The following SNX30 variants were observed in gnomAD, a reference collection of about 807,000 sequenced individuals.
SNX30 encodes the protein sorting nexin family member 30.
SNX30 carries 24 observed loss-of-function variants against 46.4 expected under a neutral mutation model. The observed-to-expected ratio is 0.52, with a 90% confidence interval of 0.37 to 0.73. The LOEUF (loss-of-function observed/expected upper bound fraction) is 0.73. SNX30 is among the 30% of genes least tolerant of loss of function. SNX30 has a pLI of 0.00. For missense variants in SNX30, 533 were observed against 555.7 expected, an observed-to-expected ratio of 0.96 and a Z score of 0.41; for synonymous variants, 189 against 211.5, an observed-to-expected ratio of 0.89 and a Z score of 0.92.
At chr9:112,777,887 G>A (rs1021224266) in intron 1 of SNX30, among the ~76,000 whole-genome samples, 4 of 152,114 alleles carry the variant, frequency 2.6e-5, no homozygotes, top group Admixed American at 2.6e-4. Context: ...TTTTGGTTAT[G>A]TACTATTGCT....
intron 1 of SNX30, among the ~76,000 whole-genome samples, chr9:112,778,934 T>G (rs1588113322): frequency 2.3e-4 from 33 of 146,364 alleles, no homozygotes; most frequent in South Asian, 4.4e-4. Context: ...CAAGTACTGG[T>G]GGGTGGGGAA....
rs1160420265 is a variant in SNX30, at chr9:112,870,790, G to A, written c.*1947G>A. 3 of 152,272 alleles carry A rather than the reference G, an allele frequency of 2.0e-5. No homozygotes were observed. Among genetic ancestry groups the A allele is most frequent in the Admixed American group, 6.5e-5 (1 of 15,294 alleles). The allele number at this position is 152,272 out of a possible 1,614,324, so 9.4% of individuals were successfully genotyped here. On this transcript the variant is annotated 3_prime_UTR_variant, in exon 9 of 9. Coordinates refer to ENST00000374232, the MANE Select transcript of SNX30 (RefSeq NM_001012994.2). ...AGCCCTCTGCTGATATTTGGCAGAA[G>A]GCACCAGACCAGCCCAGCAGCAAAT...
chr9:112,824,321 C>A (rs1391587595), intron 3 of SNX30, among the ~76,000 whole-genome samples: 2 of 110,402 alleles, frequency 1.8e-5, no homozygotes, highest in Non-Finnish European at 4.0e-5. Flanking sequence ...TATTGTAATA[C>A]TTTGCAAATA....
chr9:112,822,650 C>T (rs1840521259), intron 3 of SNX30, among the ~76,000 whole-genome samples: 1 of 150,236 alleles, frequency 6.7e-6, no homozygotes, highest in Non-Finnish European at 1.5e-5. Flanking sequence ...CAACACCATA[C>T]AGTCATTCCC....
chr9:112,751,700 C>T (rs1215067730), intron 1 of SNX30, among the ~76,000 whole-genome samples: 2 of 152,104 alleles, frequency 1.3e-5, no homozygotes, highest in Non-Finnish European at 2.9e-5. Flanking sequence ...CAGACCCCAG[C>T]CGGCGGCGGG....
At chr9:112,755,595 A>G (rs1839336330) in intron 1 of SNX30, among the ~76,000 whole-genome samples, 1 of 151,854 alleles carries the variant, frequency 6.6e-6, no homozygotes, top group African/African-American at 2.4e-5. Context: ...AATTGAGACT[A>G]CCTTGAGCAT....
At chr9:112,878,169 C>G (rs1471085641), downstream of SNX30, 1 of 152,234 alleles carries the variant, frequency 6.6e-6, no homozygotes, top group Admixed American at 6.5e-5. Flanking sequence ...ACTCTGTGTT[C>G]CTGCTTAACA....
At chr9:112,758,719 CAGAA>C (rs1361993583) in intron 1 of SNX30, among the ~76,000 whole-genome samples, 1 of 152,098 alleles carries the variant, frequency 6.6e-6, no homozygotes, top group African/African-American at 2.4e-5. Context: ...TTTTAAAACA[CAGAA>C]AGAGTGGCTG....
chr9:112,768,714 T>C (rs1252034880), intron 1 of SNX30, among the ~76,000 whole-genome samples: 1 of 139,914 alleles, frequency 7.1e-6, no homozygotes, highest in Admixed American at 8.1e-5. Flanking sequence ...TAGAGTGCAA[T>C]GGTACGATCT....
At chr9:112,875,115 C>G (rs1432221552), downstream of SNX30, 3 of 152,132 alleles carry the variant, frequency 2.0e-5, no homozygotes, top group African/African-American at 7.2e-5. Flanking sequence ...TACAGAGCGA[C>G]AGGAAAAAAT....
chr9:112,769,114 G>T (rs1377805915), intron 1 of SNX30, among the ~76,000 whole-genome samples: 1 of 152,176 alleles, frequency 6.6e-6, no homozygotes, highest in Non-Finnish European at 1.5e-5. Flanking sequence ...ACCTGTGGAG[G>T]CAATTTGGCA....
intron 1 of SNX30, among the ~76,000 whole-genome samples, chr9:112,764,688 T>C (rs1369787032): frequency 6.6e-6 from 1 of 151,580 alleles, no homozygotes; most frequent in Admixed American, 6.6e-5. Flanking sequence ...CAGTGGGAGG[T>C]TGGGGGAGGC....
At chr9:112,818,057 A>G (rs557748100) in intron 3 of SNX30, among the ~76,000 whole-genome samples, 61 of 152,366 alleles carry the variant, frequency 4.0e-4, no homozygotes, top group South Asian at 1.2e-3. Flanking sequence ...AATCTAGCAC[A>G]GAATCCATTG....
At chr9:112,771,861 C>A (rs1839654992) in intron 1 of SNX30, among the ~76,000 whole-genome samples, 1 of 152,186 alleles carries the variant, frequency 6.6e-6, no homozygotes, top group South Asian at 2.1e-4. Context: ...TTTTTCAAAT[C>A]TGTTCAGGTC....
chr9:112,811,098 A>C (rs1248572780), intron 2 of SNX30, among the ~76,000 whole-genome samples: 1 of 152,228 alleles, frequency 6.6e-6, no homozygotes, highest in Non-Finnish European at 1.5e-5. Flanking sequence ...AGAGCTTGGC[A>C]GAAAGATCTG....
chr9:112,838,819 C>T, intron 6 of SNX30, 122 bp downstream of exon 6: 1 of 849,144 alleles, frequency 1.2e-6, no homozygotes, highest in Non-Finnish European at 1.8e-6. Context: ...TGGGCAGGAT[C>T]AGACACGTGG....
chr9:112,759,544 A>G (rs1347239393), intron 1 of SNX30, among the ~76,000 whole-genome samples: 2 of 152,088 alleles, frequency 1.3e-5, no homozygotes, highest in African/African-American at 4.8e-5. Context: ...CCTGGCCAAC[A>G]TGGCGAAACC....
At chr9:112,770,820 A>G (rs1248604678) in intron 1 of SNX30, among the ~76,000 whole-genome samples, 3 of 151,934 alleles carry the variant, frequency 2.0e-5, no homozygotes, top group African/African-American at 7.2e-5. Flanking sequence ...ACATGGTGAA[A>G]CCCCATCTCT....
Position 112,838,597 on chromosome 9 carries a change from T to A in SNX30, c.914T>A (p.Ile305Asn). Residue 305 changes from isoleucine to asparagine, a missense_variant, in exon 6 of 9, where the codon ATT (isoleucine) becomes AAT (asparagine). Around this residue, in one of 3 missense-constraint regions of SNX30, gnomAD observed 261 missense variants for 270.9 expected, o/e 0.96. Transcript: ENST00000374232. The part of the protein sequence containing the change: ...AEPLEGVSAC[I>N]GNCSTALEEL... Reference sequence around the variant, plus strand: ...CCCCTGGAGGGTGTGTCAGCTTGCATTGGGAACTGCTCTACAGCCTTAGAA... The same window carrying A: ...CCCCTGGAGGGTGTGTCAGCTTGCAATGGGAACTGCTCTACAGCCTTAGAA... 6.2e-7 allele frequency: 1 copy of A among 1,614,182 alleles called. No homozygotes were observed. Among genetic ancestry groups the A allele is most frequent in the East Asian group, 2.2e-5 (1 of 44,882 alleles).
Sources: allele counts gnomAD v4.1 joint callset (sites outside exome capture counted in the v4.1 genomes callset), GRCh38; gene constraint gnomAD v4.1.1; regional missense constraint gnomAD v4.1.1; transcripts MANE v1.5; gene names NCBI Gene and HGNC (gene_info 2026-07-23, HGNC 2026-07-21).